PREX2: variants seen among roughly 807,000 people sequenced by gnomAD.
The protein encoded by PREX2 is phosphatidylinositol-3,4,5-trisphosphate dependent Rac exchange factor 2, also known as phosphatidylinositol 3,4,5-trisphosphate-dependent Rac exchanger 2 protein.
In PREX2, 107 loss-of-function variants were observed where a neutral mutation model predicts 203.2. That is an observed-to-expected ratio of 0.53 (90% confidence interval 0.45 to 0.62). PREX2 has a LOEUF of 0.62. Among genes scored for constraint, PREX2 ranks in the 20% least tolerant of loss-of-function variants. PREX2 has a pLI of 0.00. For synonymous variants in PREX2, 672 were observed against 663.6 expected, an observed-to-expected ratio of 1.01 and a Z score of -0.19; for missense variants, 1,777 against 1,955.9, an observed-to-expected ratio of 0.91 and a Z score of 1.72.
At chr8:68,067,945 C>G (rs1809069531) in intron 11 of PREX2, among the ~76,000 whole-genome samples, 1 of 151,978 alleles carries the variant, frequency 6.6e-6, no homozygotes. Flanking sequence ...TTGACTAATG[C>G]TTTTTCTGCT....
At chr8:68,142,985 C>T (rs1425810005) in intron 33 of PREX2, among the ~76,000 whole-genome samples, 1 of 152,146 alleles carries the variant, frequency 6.6e-6, no homozygotes, top group African/African-American at 2.4e-5. Flanking sequence ...TTTGGCCCCT[C>T]TATGAGTGTA....
At chr8:68,156,356 G>T (rs1811544594) in intron 34 of PREX2, among the ~76,000 whole-genome samples, 1 of 152,178 alleles carries the variant, frequency 6.6e-6, no homozygotes, top group African/African-American at 2.4e-5. Flanking sequence ...GAGCCACTGT[G>T]CCAGGCCTCT....
chr8:68,186,362 C>G (rs1812187801), intron 35 of PREX2, among the ~76,000 whole-genome samples: 1 of 152,106 alleles, frequency 6.6e-6, no homozygotes, highest in Non-Finnish European at 1.5e-5. Context: ...ACTGCTAGCA[C>G]AAGTCTGGAT....
rs569823937 is a variant in PREX2, at chr8:68,218,649, G to A, written c.4707+931G>A. Among the ~76,000 whole-genome samples the A allele has an allele frequency of 3.9e-5, 6 of 152,266 alleles. No individual in the cohort carries two copies. The East Asian group carries it at 5.8e-4, about 15-fold the overall frequency. ...CTTAGTATCTAACTCGCAGGCAAAC[G>A]TATAAATCCCTCTGGGCTTGCTCCC... On this transcript the variant is annotated intron_variant, in intron 38 of 39. Transcript: ENST00000288368.
At chr8:68,157,032 G>A (rs1365508182) in intron 34 of PREX2, among the ~76,000 whole-genome samples, 1 of 152,054 alleles carries the variant, frequency 6.6e-6, no homozygotes, top group Admixed American at 6.5e-5. Flanking sequence ...GTTATATTTT[G>A]GAGCGGCATA....
At chr8:67,993,569 A>C (rs1158344079) in intron 1 of PREX2, among the ~76,000 whole-genome samples, 1 of 151,794 alleles carries the variant, frequency 6.6e-6, no homozygotes, top group Non-Finnish European at 1.5e-5. Flanking sequence ...GCTACTGCCC[A>C]GCTAATTTTT....
In PREX2 at chr8:68,018,571, A is replaced by G. The variant is rs938141129; in HGVS notation, c.213+654A>G. ...ATAAGAGGATTGTTAGAGGTGGCTCAGGAAGGCAGGGTGTGGGCAAACGTG... is the reference window on the plus strand; with the variant it reads ...ATAAGAGGATTGTTAGAGGTGGCTCGGGAAGGCAGGGTGTGGGCAAACGTG... On this transcript the variant is annotated intron_variant, in intron 2 of 39. Coordinates refer to ENST00000288368, the MANE Select transcript of PREX2 (RefSeq NM_024870.4). Among the ~76,000 whole-genome samples, 4 of 152,188 alleles carry G rather than the reference A, an allele frequency of 2.6e-5. No individual in the cohort carries two copies. The South Asian group carries it at 6.2e-4, about 24-fold the overall frequency.
intron 35 of PREX2, among the ~76,000 whole-genome samples, chr8:68,174,606 A>G (rs937744958): frequency 6.6e-6 from 1 of 152,058 alleles, no homozygotes; most frequent in Non-Finnish European, 1.5e-5. Context: ...CTACTCCCCT[A>G]TATCAGTCTT....
chr8:68,228,944 TAAAAAAA>T (rs58993264), intron 39 of PREX2, among the ~76,000 whole-genome samples: 12 of 103,532 alleles, frequency 1.2e-4, no homozygotes, highest in African/African-American at 2.0e-4. Flanking sequence ...CTTGTCTCTT[TAAAAAAA>T]AAAAAAAAAA....
At chr8:67,955,023 A>G (rs750586196) in intron 1 of PREX2, among the ~76,000 whole-genome samples, 1 of 151,824 alleles carries the variant, frequency 6.6e-6, no homozygotes, top group Non-Finnish European at 1.5e-5. Context: ...GGACACCTTT[A>G]ATCCCAGTTA....
chr8:68,106,780 TAGTAG>T (rs765090097), intron 23 of PREX2, among the ~76,000 whole-genome samples: 5 of 152,126 alleles, frequency 3.3e-5, no homozygotes, highest in Non-Finnish European at 7.4e-5. Context: ...ATTACTCTAC[TAGTAG>T]AGTAAATAGA....
chr8:68,101,382 G>C, intron 23 of PREX2: 1 of 518,760 alleles, frequency 1.9e-6, no homozygotes, highest in Non-Finnish European at 3.8e-6. Flanking sequence ...CATTACTATT[G>C]TATCTTTTAA....
At chr8:68,022,256 C>T (rs1807591563) in intron 4 of PREX2, 116 bp downstream of exon 4, 9 of 611,766 alleles carry the variant, frequency 1.5e-5, no homozygotes, top group South Asian at 1.4e-4. Context: ...TTAGCATCCC[C>T]AGGCGAGGAA....
intron 9 of PREX2, among the ~76,000 whole-genome samples, chr8:68,053,777 T>G: frequency 6.6e-6 from 1 of 152,210 alleles, no homozygotes; most frequent in South Asian, 2.1e-4. Flanking sequence ...TAAAAATTGT[T>G]AGGTCTTTGA....
rs780081028 is a variant in PREX2 at position 68,109,706 on chromosome 8, CTT to C, written c.3146+85_3146+86del. On this transcript the variant is annotated intron_variant, in intron 25 of 39. Transcript: ENST00000288368. The stretch of plus-strand genomic sequence containing the variant: ...GCTTAGAAAAATTCAATCATTCTCT[CTT>C]TAGTTATTGGAAATTTAGGAGATTT... The C allele has an allele frequency of 1.2e-5, 14 of 1,129,174 alleles. No homozygotes were observed. In the East Asian group the frequency reaches 3.1e-4, roughly 25 times the overall value. The allele number at this position is 1,129,174 out of a possible 1,614,324, so 69.9% of individuals were successfully genotyped here.
chr8:68,147,411 G>A (rs1811350132), intron 34 of PREX2, among the ~76,000 whole-genome samples: 1 of 152,086 alleles, frequency 6.6e-6, no homozygotes, highest in Non-Finnish European at 1.5e-5. Context: ...TTGAATAATG[G>A]GGGTGGGTCT....
intron 35 of PREX2, among the ~76,000 whole-genome samples, chr8:68,190,495 T>G: frequency 6.6e-6 from 1 of 152,116 alleles, no homozygotes. Flanking sequence ...ACAGAAAATT[T>G]AATACCATAT....
At chr8:68,153,206 G>A (rs755600714) in intron 34 of PREX2, among the ~76,000 whole-genome samples, 1 of 152,196 alleles carries the variant, frequency 6.6e-6, no homozygotes, top group Non-Finnish European at 1.5e-5. Context: ...CTAGCAGTGC[G>A]TGTGCTGTGT....
At chr8:68,060,281 G>A (rs1808808974) in intron 10 of PREX2, among the ~76,000 whole-genome samples, 1 of 152,122 alleles carries the variant, frequency 6.6e-6, no homozygotes, top group Non-Finnish European at 1.5e-5. Context: ...TTTATATTAA[G>A]TTATTACTAC....
Sources: gnomAD v4.1 joint callset for allele counts (sites outside exome capture counted in the v4.1 genomes callset) on GRCh38, gnomAD v4.1.1 for gene constraint, MANE v1.5 for transcripts, NCBI Gene and HGNC (gene_info 2026-07-23, HGNC 2026-07-21) for gene names.